Variants in NRG1 observed in about 807,000 individuals in gnomAD.
NRG1 encodes pro-neuregulin-1, membrane-bound isoform.
In NRG1, 18 loss-of-function variants were observed where a neutral mutation model predicts 63.8. That is an observed-to-expected ratio of 0.28 (90% CI 0.19 to 0.42). NRG1 has a LOEUF of 0.42. NRG1 is among the 10% of genes least tolerant of loss of function. NRG1 has a pLI of 1.00. For missense variants in NRG1, 762 were observed against 814.7 expected (o/e 0.94, Z 0.79); for synonymous variants, 302 against 301.3 (o/e 1.00, Z -0.02).
intron 5 of NRG1, among the ~76,000 whole-genome samples, chr8:32,719,098 T>A (rs1819989190): frequency 6.6e-6 from 1 of 152,128 alleles, no homozygotes; most frequent in African/African-American, 2.4e-5. Flanking sequence ...CATGGAAATC[T>A]CCCCTAGAGT....
intron 1 of NRG1, among the ~76,000 whole-genome samples, chr8:31,825,105 A>T (rs908717238): frequency 7.2e-5 from 11 of 152,234 alleles, no homozygotes; most frequent in African/African-American, 2.4e-4. Context: ...AAAGTATTTT[A>T]TACTGGCTGG....
At position 31,819,463 on chromosome 8, in the gene NRG1, T is replaced by C. The variant is rs544150153; in HGVS notation, c.37+180032T>C. Among the ~76,000 whole-genome samples the C allele has an allele frequency of 4.6e-5, 7 of 152,358 alleles. No individual in the cohort carries two copies. In the South Asian group the frequency reaches 1.4e-3, roughly 32 times the overall value. On this transcript the variant is annotated intron_variant, in intron 1 of 10. Coordinates refer to the NRG1 transcript ENST00000519301. The stretch of plus-strand genomic sequence containing the variant: ...TTTATTTAAAATAACATACATTTTA[T>C]GGCATTTCTTGCTTTGCATTAATTA...
intron 5 of NRG1, among the ~76,000 whole-genome samples, chr8:32,625,787 TC>T (rs10709666): frequency 0.097 from 12,524 of 128,690 alleles, 392 homozygotes; most frequent in African/African-American, 0.12. Flanking sequence ...TTTTTTTTTT[TC>T]TTTTTTCTTT....
At chr8:32,627,885 AT>A (rs1355283383) in intron 5 of NRG1, among the ~76,000 whole-genome samples, 2 of 152,228 alleles carry the variant, frequency 1.3e-5, no homozygotes, top group African/African-American at 4.8e-5. Flanking sequence ...TTTGATAAAG[AT>A]TTCAACTACA....
intron 1 of NRG1, among the ~76,000 whole-genome samples, chr8:32,477,866 G>A (rs190798679): frequency 6.6e-6 from 1 of 152,270 alleles, no homozygotes; most frequent in East Asian, 1.9e-4. Flanking sequence ...GTGTCACTTT[G>A]GTTATAGGTT....
chr8:32,088,396 C>T (rs1828603219), intron 1 of NRG1, among the ~76,000 whole-genome samples: 1 of 152,166 alleles, frequency 6.6e-6, no homozygotes, highest in African/African-American at 2.4e-5. Flanking sequence ...GTAAGCTTTT[C>T]GAAATATTGT....
chr8:32,052,944 C>G (rs971831692), intron 1 of NRG1, among the ~76,000 whole-genome samples: 4 of 152,158 alleles, frequency 2.6e-5, no homozygotes, highest in Admixed American at 2.6e-4. Context: ...AACATTTGAT[C>G]TGGCCAATGT....
At chr8:31,821,153 C>T (rs1456389122) in intron 1 of NRG1, among the ~76,000 whole-genome samples, 1 of 152,042 alleles carries the variant, frequency 6.6e-6, no homozygotes, top group South Asian at 2.1e-4. Context: ...AAAGTTTGTA[C>T]ATGTTCAATA....
chr8:32,286,075 T>A (rs542366138), intron 1 of NRG1, among the ~76,000 whole-genome samples: 6 of 152,306 alleles, frequency 3.9e-5, no homozygotes, highest in African/African-American at 9.6e-5. Flanking sequence ...CAGTAATTTT[T>A]AAAGATCCTT....
At chr8:31,857,510 T>G (rs1031731754) in intron 1 of NRG1, among the ~76,000 whole-genome samples, 3 of 152,198 alleles carry the variant, frequency 2.0e-5, no homozygotes, top group African/African-American at 7.2e-5. Flanking sequence ...GCGCCCACTG[T>G]CTGGCACTCC....
At chr8:32,729,741 T>TA in intron 6 of NRG1, among the ~76,000 whole-genome samples, 1 of 152,300 alleles carries the variant, frequency 6.6e-6, no homozygotes, top group Admixed American at 6.5e-5. Flanking sequence ...AAGTGCATCT[T>TA]AAAAAACATA....
rs1193966667 is a variant in NRG1, at chr8:32,382,599, ATTTAC to A, written c.38-213226_38-213222del. On this transcript the variant is annotated intron_variant, in intron 1 of 10. Coordinates refer to the NRG1 transcript ENST00000519301. ...TAAGTGTGTCTCAAGATTTTAACCT[ATTTAC>A]TTATAATAATTTTCGTATTTGCCAC... is the stretch of plus-strand genomic sequence containing the variant. 5.9e-5 allele frequency among the ~76,000 whole-genome samples: 9 copies of A among 152,242 alleles called. No homozygotes were observed. In the East Asian group the frequency reaches 1.7e-3, roughly 29 times the overall value.
At chr8:32,532,710 T>C (rs1831575240) in intron 1 of NRG1, among the ~76,000 whole-genome samples, 1 of 152,066 alleles carries the variant, frequency 6.6e-6, no homozygotes, top group African/African-American at 2.4e-5. Context: ...CATGTATTAA[T>C]AGAGATTTCA....
At chr8:32,520,021 C>A (rs1422613634) in intron 1 of NRG1, among the ~76,000 whole-genome samples, 1 of 152,166 alleles carries the variant, frequency 6.6e-6, no homozygotes, top group South Asian at 2.1e-4. Context: ...CATATACACA[C>A]ACATACCCTC....
At chr8:32,355,433 TGGGTGACAGA>T (rs1334781616) in intron 1 of NRG1, among the ~76,000 whole-genome samples, 1 of 152,132 alleles carries the variant, frequency 6.6e-6, no homozygotes, top group Non-Finnish European at 1.5e-5. Flanking sequence ...CACTCCAGCC[TGGGTGACAGA>T]GCAAGACTCC....
intron 1 of NRG1, among the ~76,000 whole-genome samples, chr8:31,804,951 T>C (rs1054948229): frequency 1.3e-5 from 2 of 152,252 alleles, no homozygotes; most frequent in African/African-American, 4.8e-5. Context: ...CCATTGTTAC[T>C]ACTGGGACTG....
chr8:32,610,481 A>G (rs1238071000), intron 3 of NRG1, among the ~76,000 whole-genome samples: 2 of 152,206 alleles, frequency 1.3e-5, no homozygotes, highest in South Asian at 4.1e-4. Context: ...GTCTTCTGCA[A>G]TGAAACTCAT....
chr8:32,555,795 A>G (rs1287133156), intron 1 of NRG1, among the ~76,000 whole-genome samples: 1 of 152,206 alleles, frequency 6.6e-6, no homozygotes, highest in Non-Finnish European at 1.5e-5. Context: ...ATATGGTCAC[A>G]CAGGCCTTGT....
chr8:32,152,421 T>G (rs1183119593), intron 1 of NRG1, among the ~76,000 whole-genome samples: 5 of 152,212 alleles, frequency 3.3e-5, no homozygotes, highest in Non-Finnish European at 7.3e-5. Context: ...TGAAAAAGAT[T>G]TAAAACCTTG....
Sources: allele counts gnomAD v4.1 joint callset (sites outside exome capture counted in the v4.1 genomes callset), GRCh38; gene constraint gnomAD v4.1.1; transcripts MANE v1.5; gene names NCBI Gene and HGNC (gene_info 2026-07-23, HGNC 2026-07-21).